The following FANCI variants were observed in gnomAD, a reference collection of about 807,000 sequenced individuals.
FANCI encodes Fanconi anemia group I protein.
Under a neutral mutation model 176.1 loss-of-function variants are expected in FANCI, and 156 were observed. The ratio of observed to expected loss-of-function variants is 0.89; its 90% confidence interval spans 0.78 to 1.01. FANCI has a LOEUF of 1.01. FANCI is among the 50% of genes least tolerant of loss of function. The pLI, the probability that FANCI is intolerant of heterozygous loss-of-function variation, is 0.00. For missense variants in FANCI, 1,678 were observed against 1,534.1 expected (o/e 1.09, Z -1.57); for synonymous variants, 613 against 541.7 (o/e 1.13, Z -1.83).
Position 89,271,158 on chromosome 15 carries a change from G to A in FANCI, c.883-2219G>A, listed in dbSNP as rs147100692. ...AAAATGTATTCTTTAAACTTTTTGA[G>A]GCACAATTTACATAGCACAAAATTA... On this transcript the variant is annotated intron_variant, in intron 10 of 37. Transcript: ENST00000310775. Among the ~76,000 whole-genome samples the A allele has an allele frequency of 2.7e-3, 410 of 151,816 alleles. 8 individuals carry two copies. Among genetic ancestry groups the A allele is most frequent in the East Asian group, 0.015 (77 of 5,180 alleles).
At chr15:89,289,772 T>G (rs1447060387) in intron 18 of FANCI, among the ~76,000 whole-genome samples, 1 of 151,862 alleles carries the variant, frequency 6.6e-6, no homozygotes, top group Non-Finnish European at 1.5e-5. Context: ...TGGAGTGCAC[T>G]GGTGTGATCT....
chr15:89,281,248 A>G lies in FANCI; in HGVS notation c.1460A>G (p.Tyr487Cys). ...TCTAAAGTCACAGAAGCTTTTGACT[A>G]TTTGTCCTTTCTGCCCCTTCAGACT... ...CSSKVTEAFD[Y>C]LSFLPLQTVQ... Residue 487 changes from tyrosine (Y) to cysteine (C), a missense_variant, in exon 15 of 38, where the codon TAT (tyrosine) becomes TGT (cysteine). Physicochemically the swap from Tyr to Cys is radical, Grantham distance 194. Coordinates refer to ENST00000310775, the MANE Select transcript of FANCI (RefSeq NM_001113378.2). The G allele has an allele frequency of 1.9e-6, 3 of 1,613,912 alleles. No homozygotes were observed. Among genetic ancestry groups the G allele is most frequent in the Non-Finnish European group, 2.5e-6 (3 of 1,179,866 alleles).
intron 18 of FANCI, among the ~76,000 whole-genome samples, chr15:89,289,713 C>T (rs140778509): frequency 3.0e-4 from 45 of 152,020 alleles, no homozygotes; most frequent in African/African-American, 1.0e-3. Flanking sequence ...AAAGTTCTCC[C>T]CAGGATTTTT....
In FANCI at chr15:89,307,471, A is replaced by G; in HGVS notation, c.3538-5A>G. The G allele has an allele frequency of 6.2e-7, 1 of 1,613,460 alleles. No individual in the cohort carries two copies. Among genetic ancestry groups the G allele is most frequent in the Non-Finnish European group, 8.5e-7 (1 of 1,179,550 alleles). Reference sequence around the variant, plus strand: ...CTACTAAATCTAGGAATCTTTTTTTATTAGTATCTCCAGGTGTGTCAGAGC... The same window carrying G: ...CTACTAAATCTAGGAATCTTTTTTTGTTAGTATCTCCAGGTGTGTCAGAGC... On this transcript the variant is annotated splice_polypyrimidine_tract_variant and splice_region_variant and intron_variant, in intron 32 of 37. Coordinates refer to ENST00000310775, the MANE Select transcript of FANCI (RefSeq NM_001113378.2).
chr15:89,292,354 A>G (rs748173722), intron 20 of FANCI, among the ~76,000 whole-genome samples: 86 of 152,304 alleles, frequency 5.6e-4, no homozygotes, highest in Non-Finnish European at 9.1e-4. Flanking sequence ...ATAAACCTCT[A>G]TCTTTAGAAT....
chr15:89,293,410 G>A (rs2054137595), intron 22 of FANCI, among the ~76,000 whole-genome samples: 1 of 152,198 alleles, frequency 6.6e-6, no homozygotes, highest in Non-Finnish European at 1.5e-5. Flanking sequence ...GGGGAGGCCA[G>A]GTGCGGTGGC....
chr15:89,293,130 G>T lies in FANCI; in HGVS notation c.2291+67G>T. On this transcript the variant is annotated intron_variant, in intron 22 of 37. Transcript: ENST00000310775. ...TCCATTTTATTTACATATTTTTACT[G>T]TAGCAGTATTCTAGGCAGTAAACAG... is the stretch of plus-strand genomic sequence containing the variant. 1.9e-6 allele frequency: 3 copies of T among 1,555,608 alleles called. No individual in the cohort carries two copies. The South Asian group carries it at 3.4e-5, about 18-fold the overall frequency.
rs35282568 is a variant in FANCI, at chr15:89,295,741, A to T, written c.2636+647A>T. Among the ~76,000 whole-genome samples, 325 of 112,382 alleles carry T rather than the reference A, an allele frequency of 2.9e-3. 10 individuals are homozygous for T. The highest frequency in any genetic ancestry group is 0.018 in the East Asian group (71 of 3,958). The allele number at this position is 112,382 out of a possible 152,430, so 73.7% of individuals were successfully genotyped here. On this transcript the variant is annotated intron_variant, in intron 24 of 37. Transcript: ENST00000310775. ...CTTGCCTTCCCCTGGCGCCCCCCCC[A>T]CCTTTTTTTTTTTGTTGTTGTTGTT...
rs1336119357 is a variant in FANCI at position 89,292,931 on chromosome 15, G to A, written c.2170-11G>A. On this transcript the variant is annotated splice_polypyrimidine_tract_variant and intron_variant, in intron 21 of 37. Transcript: ENST00000310775. ...TTAGTAGCTTGTTAATTTTTATCTT[G>A]TGTCTTTTAGGATAAATCAGCAGAT... 9 of 1,613,948 alleles carry A rather than the reference G, an allele frequency of 5.6e-6. No homozygotes were observed. The highest frequency in any genetic ancestry group is 7.6e-6 in the Non-Finnish European group (9 of 1,180,010).
At chr15:89,267,923 T>C (rs1390060938) in intron 9 of FANCI, among the ~76,000 whole-genome samples, 2 of 152,100 alleles carry the variant, frequency 1.3e-5, no homozygotes, top group Non-Finnish European at 2.9e-5. Flanking sequence ...CGAGACCCTG[T>C]CTCAGATAAA....
At chr15:89,309,863 T>A (rs143372379) in intron 34 of FANCI, among the ~76,000 whole-genome samples, 1 of 152,334 alleles carries the variant, frequency 6.6e-6, no homozygotes, top group East Asian at 1.9e-4. Flanking sequence ...GAAATACTGC[T>A]GTTAAATGCT....
intron 14 of FANCI, 44 bp downstream of exon 14, chr15:89,278,818 T>C (rs1351770761): frequency 6.7e-7 from 1 of 1,503,050 alleles, no homozygotes; most frequent in African/African-American, 1.4e-5. Context: ...AGAAATATTT[T>C]CATTTCAATG....
chr15:89,306,535 T>C (rs985572683), intron 32 of FANCI, among the ~76,000 whole-genome samples: 1 of 151,898 alleles, frequency 6.6e-6, no homozygotes, highest in African/African-American at 2.4e-5. Context: ...CTACTAAAAA[T>C]ACAAAAAGTA....
At chr15:89,246,214 A>G (rs1218231088) in intron 1 of FANCI, among the ~76,000 whole-genome samples, 3 of 152,148 alleles carry the variant, frequency 2.0e-5, no homozygotes, top group Admixed American at 6.5e-5. Flanking sequence ...TATCTGCTTC[A>G]TGTGCCTCCA....
In FANCI at chr15:89,283,973, A is replaced by G. The variant is rs554140726; in HGVS notation, c.1698+723A>G. Among the ~76,000 whole-genome samples the G allele has an allele frequency of 1.6e-3, 241 of 152,156 alleles. 1 individual carries two copies. Among genetic ancestry groups the G allele is most frequent in the African/African-American group, 3.8e-3 (159 of 41,526 alleles). ...GAGATGGGGTTTCATTGTGTTAGTC[A>G]GGAGGTCTCGATCTCCTGACCTCGT... On this transcript the variant is annotated intron_variant, in intron 17 of 37. Transcript: ENST00000310775.
chr15:89,254,446 G>T (rs1182879875), intron 2 of FANCI, among the ~76,000 whole-genome samples: 1 of 152,108 alleles, frequency 6.6e-6, no homozygotes, highest in Non-Finnish European at 1.5e-5. Context: ...AGCTTGAAGG[G>T]TTTCCCTTTG....
At chr15:89,297,613 C>A (rs986025034) in intron 24 of FANCI, among the ~76,000 whole-genome samples, 2 of 152,096 alleles carry the variant, frequency 1.3e-5, no homozygotes, top group Non-Finnish European at 2.9e-5. Context: ...ATACGAAAAC[C>A]AGTCAGGTGT....
chr15:89,315,613 G>C (rs1477076754), intron 37 of FANCI, among the ~76,000 whole-genome samples: 1 of 148,778 alleles, frequency 6.7e-6, no homozygotes, highest in African/African-American at 2.4e-5. Context: ...CCAGGAAGCA[G>C]GTGGTAACAA....
intron 6 of FANCI, among the ~76,000 whole-genome samples, chr15:89,262,627 A>G (rs1317414451): frequency 2.0e-5 from 3 of 152,344 alleles, no homozygotes; most frequent in Admixed American, 6.5e-5. Context: ...AATTGCTTTT[A>G]TGGTTCCTTA....
Sources: gnomAD v4.1 joint callset for allele counts (sites outside exome capture counted in the v4.1 genomes callset) on GRCh38, gnomAD v4.1.1 for gene constraint, MANE v1.5 for transcripts, NCBI Gene and HGNC (gene_info 2026-07-23, HGNC 2026-07-21) for gene names.